Variants in HHLA1 observed in about 807,000 individuals in gnomAD.
HHLA1 encodes HERV-H LTR-associating protein 1.
HHLA1 carries 72 observed loss-of-function variants against 69.9 expected under a neutral mutation model. The observed-to-expected ratio is 1.03, with a 90% CI of 0.85 to 1.25. The LOEUF (loss-of-function observed/expected upper bound fraction) is 1.25, where lower values mean the gene tolerates loss of function less well. HHLA1 is among the 50% of genes most tolerant of loss of function. The probability of loss-of-function intolerance (pLI) is 0.00; values close to 1 mark genes in which losing one functional copy is unlikely to be tolerated. For synonymous variants in HHLA1, 252 were observed against 233.2 expected, an observed-to-expected ratio of 1.08 and a Z score of -0.73; for missense variants, 685 against 642.2, an observed-to-expected ratio of 1.07 and a Z score of -0.72.
chr8:132,070,469 A>C, intron 15 of HHLA1: 2 of 678,792 alleles, frequency 2.9e-6, no homozygotes, highest in South Asian at 3.1e-5. Flanking sequence ...ACCACTCAAG[A>C]TCCTCTGCCA....
intron 10 of HHLA1, among the ~76,000 whole-genome samples, chr8:132,084,125 T>G (rs1207516100): frequency 1.3e-5 from 2 of 152,142 alleles, no homozygotes; most frequent in African/African-American, 4.8e-5. Context: ...TGCCTTTGGC[T>G]CCAGCCACCT....
intron 12 of HHLA1, 99 bp downstream of exon 12, chr8:132,077,627 T>C (rs1823666755): frequency 1.7e-6 from 2 of 1,177,674 alleles, no homozygotes; most frequent in Non-Finnish European, 2.4e-6. Flanking sequence ...TAGTTTTCTG[T>C]GTGTGTATTA....
chr8:132,083,008 G>T (rs1447839794), intron 10 of HHLA1, among the ~76,000 whole-genome samples: 2 of 151,408 alleles, frequency 1.3e-5, no homozygotes, highest in African/African-American at 4.9e-5. Flanking sequence ...AGGGTGATTA[G>T]GTTTTAATGA....
At position 132,087,915 on chromosome 8, in the gene HHLA1, G is replaced by T; in HGVS notation, c.533-14C>A. 1 of 1,545,112 alleles carries T rather than the reference G, an allele frequency of 6.5e-7. No homozygotes were observed. The highest frequency in any genetic ancestry group is 2.0e-5 in the Admixed American group (1 of 50,984). On this transcript the variant is annotated splice_polypyrimidine_tract_variant and intron_variant, in intron 8 of 16. Coordinates refer to ENST00000414222, the MANE Select transcript of HHLA1 (RefSeq NM_001145095.3). ...TGCTTTGATTCACTGTAAGACAAAC[G>T]AGTATACAATAAGACTTAGCCATGG...
At chr8:132,089,092 G>C (rs1823905130) in intron 8 of HHLA1, among the ~76,000 whole-genome samples, 1 of 152,154 alleles carries the variant, frequency 6.6e-6, no homozygotes, top group African/African-American at 2.4e-5. Flanking sequence ...CCTTATAAAT[G>C]AGGTGTATCA....
chr8:132,070,181 G>A, intron 15 of HHLA1: 3 of 601,736 alleles, frequency 5.0e-6, no homozygotes, highest in South Asian at 4.1e-5. Context: ...CAGGCCACTG[G>A]AGCAGGAGTA....
At chr8:132,079,235 T>G (rs1368434365) in intron 11 of HHLA1, among the ~76,000 whole-genome samples, 1 of 152,252 alleles carries the variant, frequency 6.6e-6, no homozygotes, top group Non-Finnish European at 1.5e-5. Context: ...CATTAACATA[T>G]TCTTGGCATC....
chr8:132,104,885 T>C (rs1824178188), intron 2 of HHLA1, among the ~76,000 whole-genome samples: 1 of 152,098 alleles, frequency 6.6e-6, no homozygotes, highest in African/African-American at 2.4e-5. Context: ...TGGTGGTGAA[T>C]GGGTCATGGA....
intron 12 of HHLA1, among the ~76,000 whole-genome samples, chr8:132,077,485 A>T (rs955282080): frequency 1.4e-4 from 22 of 152,030 alleles, no homozygotes; most frequent in Non-Finnish European, 2.1e-4. Context: ...GAAATTGGGG[A>T]GTGCGATTAC....
Position 132,062,110 on chromosome 8 carries a change from C to G in HHLA1, c.*1885G>C, listed in dbSNP as rs1385224263. On this transcript the variant is annotated 3_prime_UTR_variant, in exon 17 of 17. Transcript: ENST00000414222. ...GTCAAAGGTCCTTAATTAATATCCA[C>G]GCAAGGGTTGAATCAAATTAATCCA... 5 of 152,178 alleles carry G rather than the reference C, an allele frequency of 3.3e-5. No individual in the cohort carries two copies. Among genetic ancestry groups the G allele is most frequent in the African/African-American group, 1.2e-4 (5 of 41,432 alleles). The allele number at this position is 152,178 out of a possible 1,614,324, so 9.4% of individuals were successfully genotyped here.
At chr8:132,076,304 G>A (rs1823638986) in intron 13 of HHLA1, among the ~76,000 whole-genome samples, 171 bp downstream of exon 13, 1 of 152,170 alleles carries the variant, frequency 6.6e-6, no homozygotes, top group South Asian at 2.1e-4. Flanking sequence ...TAGCAGCACG[G>A]CAAGGCTTAT....
chr8:132,095,738 A>G lies in HHLA1; in HGVS notation c.329T>C (p.Phe110Ser), dbSNP rs1357037503. 6.4e-7 allele frequency: 1 copy of G among 1,551,328 alleles called. No homozygotes were observed. Among genetic ancestry groups the G allele is most frequent in the Non-Finnish European group, 8.7e-7 (1 of 1,146,880 alleles). The change falls in exon 6 of 17, where the codon TTC (phenylalanine) becomes TCC (serine). Residue 110 changes from phenylalanine (F) to serine (S), a missense_variant. Transcript: ENST00000414222. ...SLLSVTSYSS[F>S]AFHKFSVAVY... is the part of the protein sequence containing the mutation. ...AGCTACAGAAAACTTGTGGAAGGCGAAGGAACTGTAGGAAGTGACACTCAG... is the reference window on the plus strand; with the variant it reads ...AGCTACAGAAAACTTGTGGAAGGCGGAGGAACTGTAGGAAGTGACACTCAG...
Position 132,085,089 on chromosome 8 carries a change from T to C in HHLA1, c.676+2564A>G, listed in dbSNP as rs538514134. ...AGTACTTGCCCCTTCCCCAGAAAAG[T>C]GGGACTTGCCGCTAAGGGTGAAGGA... On this transcript the variant is annotated intron_variant, in intron 10 of 16. Transcript: ENST00000414222. Among the ~76,000 whole-genome samples the C allele has an allele frequency of 6.1e-3, 922 of 151,966 alleles. 7 individuals are homozygous for C. Among genetic ancestry groups the C allele is most frequent in the African/African-American group, 0.021 (889 of 41,392 alleles).
intron 15 of HHLA1, among the ~76,000 whole-genome samples, chr8:132,066,278 A>G (rs997619281): frequency 6.6e-6 from 1 of 152,214 alleles, no homozygotes; most frequent in African/African-American, 2.4e-5. Context: ...ATGAAAGGCA[A>G]TAATGGAACC....
chr8:132,080,037 T>C, intron 10 of HHLA1, 71 bp from the exon 11 acceptor site: 1 of 1,516,298 alleles, frequency 6.6e-7, no homozygotes, highest in Non-Finnish European at 9.0e-7. Flanking sequence ...GAAAGGTCAC[T>C]GGACTGCAAA....
At chr8:132,087,559 C>T (rs1586730663) in intron 10 of HHLA1, 94 bp downstream of exon 10, 2 of 745,258 alleles carry the variant, frequency 2.7e-6, no homozygotes, top group East Asian at 5.4e-5. Context: ...TATAGCGAAA[C>T]ACAACACCTG....
intron 14 of HHLA1, among the ~76,000 whole-genome samples, chr8:132,073,526 A>G (rs1043870173): frequency 3.3e-5 from 5 of 152,170 alleles, no homozygotes; most frequent in African/African-American, 1.2e-4. Context: ...TGTGAAGTAG[A>G]CATCAGAAGT....
Position 132,097,076 on chromosome 8 carries a change from T to C in HHLA1, c.281-1290A>G, listed in dbSNP as rs562652852. On this transcript the variant is annotated intron_variant, in intron 5 of 16. Transcript: ENST00000414222. ...GCACGCAAATCACCAGTGGTGCCCA[T>C]TCCCCCTCGGCTCTCTGGCTATTGC... is the stretch of plus-strand genomic sequence containing the variant. Among the ~76,000 whole-genome samples the C allele has an allele frequency of 3.9e-5, 6 of 152,298 alleles. No individual in the cohort carries two copies. In the South Asian group the frequency reaches 1.2e-3, roughly 32 times the overall value.
At position 132,086,322 on chromosome 8, in the gene HHLA1, TC is replaced by T. The variant is rs201500352; in HGVS notation, c.676+1330del. On this transcript the variant is annotated intron_variant, in intron 10 of 16. Transcript: ENST00000414222. ...CCTGTGTTGGATTTTGGCCCTCACC[TC>T]CCCCAGAATGCATGTAGAATGTGAA... is the stretch of plus-strand genomic sequence containing the variant. 6.1e-3 allele frequency among the ~76,000 whole-genome samples: 928 copies of T among 152,158 alleles called. 7 individuals carry two copies. Among genetic ancestry groups the T allele is most frequent in the African/African-American group, 0.022 (895 of 41,510 alleles).
Sources: allele counts gnomAD v4.1 joint callset (sites outside exome capture counted in the v4.1 genomes callset), GRCh38; gene constraint gnomAD v4.1.1; transcripts MANE v1.5; gene names NCBI Gene and HGNC (gene_info 2026-07-23, HGNC 2026-07-21).